Variants in ACBD5 observed in about 807,000 individuals in gnomAD.
ACBD5 encodes the protein acyl-CoA binding domain containing 5, also known as acyl-CoA-binding domain-containing protein 5.
Under a neutral mutation model 71.8 loss-of-function variants are expected in ACBD5, and 40 were observed. That is an observed-to-expected ratio of 0.56 (90% CI 0.43 to 0.72). The LOEUF is 0.72. ACBD5 is among the 30% of genes least tolerant of loss of function. The pLI, the probability that ACBD5 is intolerant of heterozygous loss-of-function variation, is 0.00. For missense variants in ACBD5, 559 were observed against 644.5 expected (o/e 0.87, Z 1.44); for synonymous variants, 229 against 218.6 (o/e 1.05, Z -0.42).
intron 4 of ACBD5, 35 bp from the exon 5 acceptor site, chr10:27,223,487 A>T: frequency 6.7e-7 from 1 of 1,485,134 alleles, no homozygotes; most frequent in South Asian, 1.1e-5. Context: ...GTGAAATCAC[A>T]AACTCTTAAT....
At chr10:27,238,038 C>T (rs184705775) in intron 2 of ACBD5, among the ~76,000 whole-genome samples, 346 of 152,134 alleles carry the variant, frequency 2.3e-3, no homozygotes, top group African/African-American at 8.0e-3. Flanking sequence ...CTCCGCCTCC[C>T]GGGTTCACGC....
intron 11 of ACBD5, 28 bp from the exon 12 acceptor site, chr10:27,204,577 A>C (rs1164172263): frequency 3.3e-6 from 5 of 1,496,206 alleles, no homozygotes; most frequent in Non-Finnish European, 4.7e-6. Flanking sequence ...GCTTGTCACC[A>C]ATCTATTCAA....
rs890404149 is a variant in ACBD5 at position 27,205,352 on chromosome 10, T to C, written c.1405-104A>G. On this transcript the variant is annotated intron_variant, in intron 10 of 12. Coordinates refer to ENST00000396271, the MANE Select transcript of ACBD5 (RefSeq NM_145698.5). ...AAAGGCAGAAATATTGAGGTTTTTT[T>C]TGGTTGCTTTTGTTTTCTTTATGTA... 6.4e-5 allele frequency: 75 copies of C among 1,172,264 alleles called. No homozygotes were observed. In the Admixed American group the frequency reaches 1.3e-3, roughly 20 times the overall value. 72.6% of individuals were successfully genotyped at this position (1,172,264 alleles called of 1,614,324 possible).
upstream of ACBD5, among the ~76,000 whole-genome samples, chr10:27,241,491 G>T (rs886511459): frequency 6.6e-6 from 1 of 152,124 alleles, no homozygotes; most frequent in Non-Finnish European, 1.5e-5. Context: ...ACTGGGCTGG[G>T]ACGGAGGGCA....
rs541541128 is a variant in ACBD5, at chr10:27,199,968, G to A, written c.1566-2526C>T. Among the ~76,000 whole-genome samples, 80 of 151,594 alleles carry A rather than the reference G, an allele frequency of 5.3e-4. 1 individual carries two copies. Among genetic ancestry groups the A allele is most frequent in the Admixed American group, 3.4e-3 (52 of 15,186 alleles). ...TACGCCACTGCAATCCAGCCTGGGCGACAGAGCAAGACTGTCGCAAAGAAA... is the reference window on the plus strand; with the variant it reads ...TACGCCACTGCAATCCAGCCTGGGCAACAGAGCAAGACTGTCGCAAAGAAA... On this transcript the variant is annotated intron_variant, in intron 12 of 12. Coordinates refer to ENST00000396271, the MANE Select transcript of ACBD5 (RefSeq NM_145698.5).
At chr10:27,186,224 T>C (rs527900552) in intron 13 of ACBD5, among the ~76,000 whole-genome samples, 1 of 152,364 alleles carries the variant, frequency 6.6e-6, no homozygotes, top group South Asian at 2.1e-4. Context: ...TTGTGAAGTA[T>C]GTGGCCTAAC....
chr10:27,227,978 G>A (rs180730287), intron 4 of ACBD5, among the ~76,000 whole-genome samples: 2 of 151,892 alleles, frequency 1.3e-5, no homozygotes, highest in Admixed American at 6.6e-5. Flanking sequence ...CTCCCAAAGT[G>A]CTGGGATTAC....
intron 12 of ACBD5, among the ~76,000 whole-genome samples, chr10:27,199,141 A>T (rs899499756): frequency 2.6e-5 from 4 of 151,674 alleles, no homozygotes; most frequent in Admixed American, 1.3e-4. Flanking sequence ...AATAAAAATT[A>T]AAAAAATTAA....
intron 3 of ACBD5, among the ~76,000 whole-genome samples, chr10:27,234,491 T>TAAAA (rs57102773): frequency 7.4e-6 from 1 of 135,936 alleles, no homozygotes; most frequent in African/African-American, 2.7e-5. Flanking sequence ...GCTCTTGCCT[T>TAAAA]AAAAAAAAAA....
chr10:27,202,667 A>G (rs2060041886), intron 12 of ACBD5, among the ~76,000 whole-genome samples: 2 of 152,052 alleles, frequency 1.3e-5, no homozygotes, highest in African/African-American at 4.8e-5. Context: ...TAAGCTTTAG[A>G]GTTTTTTTTT....
At chr10:27,219,125 C>A (rs117589148) in intron 6 of ACBD5, among the ~76,000 whole-genome samples, 10,376 of 151,764 alleles carry the variant, frequency 0.068, 666 homozygotes, top group African/African-American at 0.17. Flanking sequence ...AACATGGTGA[C>A]ATCCTGTCTC....
At chr10:27,219,079 A>G (rs1186729806) in intron 6 of ACBD5, among the ~76,000 whole-genome samples, 1 of 152,092 alleles carries the variant, frequency 6.6e-6, no homozygotes, top group Non-Finnish European at 1.5e-5. Context: ...AGGTGAGCAG[A>G]TCACTTGAGG....
intron 2 of ACBD5, among the ~76,000 whole-genome samples, chr10:27,239,719 G>A (rs1466860847): frequency 6.7e-6 from 1 of 148,234 alleles, no homozygotes; most frequent in Non-Finnish European, 1.5e-5. Context: ...TGTGGCATTA[G>A]GCATCCCCAG....
In ACBD5 at chr10:27,211,098, A is replaced by G. The variant is rs751751789; in HGVS notation, c.937-17T>C. On this transcript the variant is annotated splice_polypyrimidine_tract_variant and intron_variant, in intron 8 of 12. Coordinates refer to ENST00000396271, the MANE Select transcript of ACBD5 (RefSeq NM_145698.5). ...GTCTAAAGACTACAAATTAGAAATG[A>G]CACTTAGTTAAAAGCTAGAAATGTG... 13 of 1,613,750 alleles carry G rather than the reference A, an allele frequency of 8.1e-6. No homozygotes were observed. Among genetic ancestry groups the G allele is most frequent in the Non-Finnish European group, 1.1e-5 (13 of 1,179,858 alleles).
At position 27,240,217 on chromosome 10, in the gene ACBD5, A is replaced by G; in HGVS notation, c.181+102T>C. 7 of 1,590,226 alleles carry G rather than the reference A, an allele frequency of 4.4e-6. No homozygotes were observed. The highest frequency in any genetic ancestry group is 6.0e-6 in the Non-Finnish European group (7 of 1,166,862). The stretch of plus-strand genomic sequence containing the variant: ...TCCCCTTCCACTACATGGCTCCTAC[A>G]CAGAAAAAAAGGCTAAATAAACAAC... On this transcript the variant is annotated intron_variant, in intron 2 of 12. Coordinates refer to ENST00000396271, the MANE Select transcript of ACBD5 (RefSeq NM_145698.5). This position sits in a 1 kb window ranked among gnomAD's most constrained non-coding sequence, Gnocchi z 4.1.
At chr10:27,205,375 G>A in intron 10 of ACBD5, 127 bp from the exon 11 acceptor site, 1 of 850,720 alleles carries the variant, frequency 1.2e-6, no homozygotes, top group South Asian at 1.4e-5. Context: ...TTTTCTTTAT[G>A]TATAGAACAG....
In ACBD5 at chr10:27,196,245, C is replaced by T. The variant is rs1179467496; in HGVS notation, c.*1185G>A. ...ACAAAGACTGCATCAAAGAAATCTT[C>T]AAAGCACAAGGTACATCTAAGTGAG... On this transcript the variant is annotated 3_prime_UTR_variant, in exon 13 of 13. Transcript: ENST00000396271. The T allele has an allele frequency of 2.2e-6, 1 of 454,020 alleles. No homozygotes were observed. Among genetic ancestry groups the T allele is most frequent in the South Asian group, 1.6e-5 (1 of 64,474 alleles). The allele number at this position is 454,020 out of a possible 1,614,324, so 28.1% of individuals were successfully genotyped here.
rs1488904510 is a variant in ACBD5 at position 27,218,842 on chromosome 10, T to A, written c.626-659A>T. ...CTCAGGTGATCTGCCCGCCTCGGCC[T>A]CCCAAACTGCTGGGATTACGAGTGT... On this transcript the variant is annotated intron_variant, in intron 6 of 12. Coordinates refer to ENST00000396271, the MANE Select transcript of ACBD5 (RefSeq NM_145698.5). Among the ~76,000 whole-genome samples, 4 of 152,068 alleles carry A rather than the reference T, an allele frequency of 2.6e-5. No homozygotes were observed. The East Asian group carries it at 7.7e-4, about 29-fold the overall frequency.
downstream of ACBD5, among the ~76,000 whole-genome samples, chr10:27,193,065 TCTTC>T (rs971299833): frequency 4.6e-5 from 7 of 151,820 alleles, no homozygotes; most frequent in South Asian, 2.1e-4. Context: ...TTCTTTCTTT[TCTTC>T]CTTCCTCCCT....
Sources: gnomAD v4.1 joint callset for allele counts (sites outside exome capture counted in the v4.1 genomes callset) on GRCh38, gnomAD v4.1.1 for gene constraint, Gnocchi (gnomAD v3.1) non-coding constraint, MANE v1.5 for transcripts, NCBI Gene and HGNC (gene_info 2026-07-23, HGNC 2026-07-21) for gene names.